CADM2: variants seen among roughly 807,000 people sequenced by gnomAD.
CADM2 encodes immunoglobulin superfamily member 4D.
In CADM2, 12 loss-of-function variants were observed where a neutral mutation model predicts 49.8. The observed-to-expected ratio is 0.24, with a 90% CI of 0.15 to 0.39. The LOEUF is 0.39. Among genes scored for constraint, CADM2 ranks in the 10% least tolerant of loss-of-function variants. The probability of loss-of-function intolerance (pLI) is 1.00; values close to 1 mark genes in which losing one functional copy is unlikely to be tolerated. For synonymous variants in CADM2, 214 were observed against 175.4 expected (o/e 1.22, Z -1.74); for missense variants, 378 against 492.3 (o/e 0.77, Z 2.20).
At chr3:85,894,916 G>A (rs1309579155) in intron 5 of CADM2, among the ~76,000 whole-genome samples, 1 of 152,238 alleles carries the variant, frequency 6.6e-6, no homozygotes, top group Non-Finnish European at 1.5e-5. Flanking sequence ...GAAATGCCTG[G>A]ATGTCAAAGC....
intron 7 of CADM2, among the ~76,000 whole-genome samples, chr3:85,950,664 C>A (rs1723320253): frequency 6.6e-6 from 1 of 151,074 alleles, no homozygotes; most frequent in Non-Finnish European, 1.5e-5. Context: ...AGCTTGGAGG[C>A]AAGAAGTGCC....
At chr3:85,786,708 C>G (rs1335690676) in intron 2 of CADM2, among the ~76,000 whole-genome samples, 1 of 151,960 alleles carries the variant, frequency 6.6e-6, no homozygotes, top group Non-Finnish European at 1.5e-5. Flanking sequence ...TATGTGCCCA[C>G]CATGTCTAAG....
intron 3 of CADM2, among the ~76,000 whole-genome samples, chr3:85,838,128 T>C (rs941249197): frequency 1.3e-5 from 2 of 151,844 alleles, no homozygotes; most frequent in East Asian, 1.9e-4. Flanking sequence ...ATCTTATTAA[T>C]AGTGGTTAAA....
intron 1 of CADM2, among the ~76,000 whole-genome samples, chr3:85,060,650 G>C (rs1384900580): frequency 6.6e-6 from 1 of 152,052 alleles, no homozygotes; most frequent in Non-Finnish European, 1.5e-5. Flanking sequence ...CAAGGATACA[G>C]ACACCAGTCT....
chr3:85,419,133 C>T (rs1328927866), intron 1 of CADM2, among the ~76,000 whole-genome samples: 1 of 152,068 alleles, frequency 6.6e-6, no homozygotes, highest in Non-Finnish European at 1.5e-5. Context: ...CCACTCATTG[C>T]ACAACATTGA....
chr3:85,701,858 AAGAT>A (rs56934991), intron 1 of CADM2, among the ~76,000 whole-genome samples: 34,372 of 146,556 alleles, frequency 0.23, 4,105 homozygotes, highest in Admixed American at 0.25. Flanking sequence ...TCTGTTGTAA[AAGAT>A]AGATAGATAG....
At chr3:85,106,070 T>C (rs1362382923) in intron 1 of CADM2, among the ~76,000 whole-genome samples, 2 of 152,038 alleles carry the variant, frequency 1.3e-5, no homozygotes, top group African/African-American at 4.8e-5. Context: ...ATTGTGCACA[T>C]GTACCCTAAA....
At chr3:85,301,834 A>G (rs1233702122) in intron 1 of CADM2, among the ~76,000 whole-genome samples, 5 of 152,068 alleles carry the variant, frequency 3.3e-5, no homozygotes, top group Non-Finnish European at 5.9e-5. Flanking sequence ...TGACACCCAT[A>G]TTAAAAATGA....
chr3:85,034,795 T>TC (rs1394717519), intron 1 of CADM2, among the ~76,000 whole-genome samples: 1 of 132,304 alleles, frequency 7.6e-6, no homozygotes, highest in African/African-American at 2.9e-5. Context: ...TTTTGCTTTT[T>TC]TTTTTTTTTT....
At chr3:85,461,032 A>C (rs575091172) in intron 1 of CADM2, among the ~76,000 whole-genome samples, 1 of 152,214 alleles carries the variant, frequency 6.6e-6, no homozygotes, top group South Asian at 2.1e-4. Context: ...TATTATTTTA[A>C]TTCACAAACT....
intron 8 of CADM2, chr3:86,015,172 C>T: frequency 4.3e-6 from 2 of 460,038 alleles, no homozygotes; most frequent in Non-Finnish European, 7.8e-6. Context: ...AAAGAAAAGC[C>T]ATATGGTGTA....
intron 1 of CADM2, among the ~76,000 whole-genome samples, chr3:85,267,108 T>G (rs998761050): frequency 6.6e-6 from 1 of 150,640 alleles, no homozygotes; most frequent in African/African-American, 2.4e-5. Flanking sequence ...TCATTCTAAA[T>G]TCTGTATCTA....
intron 3 of CADM2, among the ~76,000 whole-genome samples, chr3:85,810,804 T>G (rs542268111): frequency 6.6e-6 from 1 of 152,294 alleles, no homozygotes; most frequent in South Asian, 2.1e-4. Flanking sequence ...CCTCCCCAAG[T>G]GCTGGGATTA....
chr3:85,817,638 G>C (rs2073292991), intron 3 of CADM2, among the ~76,000 whole-genome samples: 1 of 152,138 alleles, frequency 6.6e-6, no homozygotes, highest in Non-Finnish European at 1.5e-5. Context: ...AGTCAGGATA[G>C]CTGCACTTGA....
At chr3:85,386,024 T>C (rs995560027) in intron 1 of CADM2, among the ~76,000 whole-genome samples, 13 of 152,174 alleles carry the variant, frequency 8.5e-5, no homozygotes, top group Non-Finnish European at 1.6e-4. Context: ...AAGTACCATA[T>C]GAACAATCAT....
intron 3 of CADM2, among the ~76,000 whole-genome samples, chr3:85,814,686 A>G (rs887442185): frequency 1.3e-5 from 2 of 152,084 alleles, no homozygotes; most frequent in East Asian, 3.9e-4. Context: ...GATATAGGAA[A>G]TATCACCACT....
intron 1 of CADM2, among the ~76,000 whole-genome samples, chr3:85,425,937 T>A (rs1206970935): frequency 1.1e-4 from 16 of 152,126 alleles, no homozygotes; most frequent in Admixed American, 8.5e-4. Flanking sequence ...TTAGCATTTA[T>A]ATGGAACATG....
chr3:85,518,173 T>A (rs1209097405), intron 1 of CADM2, among the ~76,000 whole-genome samples: 1 of 152,066 alleles, frequency 6.6e-6, no homozygotes, highest in Non-Finnish European at 1.5e-5. Context: ...ATATTTTTAG[T>A]AGAGATGGGT....
At chr3:85,989,050 CTT>C (rs1463988279) in intron 8 of CADM2, among the ~76,000 whole-genome samples, 7 of 152,138 alleles carry the variant, frequency 4.6e-5, no homozygotes. Flanking sequence ...GTACAATGCT[CTT>C]AGTACAATTT....
Sources: allele counts gnomAD v4.1 joint callset (sites outside exome capture counted in the v4.1 genomes callset), GRCh38; gene constraint gnomAD v4.1.1; transcripts MANE v1.5; gene names NCBI Gene and HGNC (gene_info 2026-07-23, HGNC 2026-07-21).